Variants in TYR observed in about 807,000 individuals in gnomAD.
TYR encodes tyrosinase.
In TYR, 58 loss-of-function variants were observed where a neutral mutation model predicts 51.5. That is an observed-to-expected ratio of 1.13 (90% CI 0.91 to 1.40). The LOEUF (loss-of-function observed/expected upper bound fraction) is 1.40. TYR is among the 40% of genes most tolerant of loss of function. TYR has a pLI of 0.00. For missense variants in TYR, 732 were observed against 647.4 expected (o/e 1.13, Z -1.42); for synonymous variants, 263 against 235.2 (o/e 1.12, Z -1.08).
intron 3 of TYR, among the ~76,000 whole-genome samples, chr11:89,282,334 GGA>G (rs1944729473): frequency 4.4e-4 from 67 of 151,596 alleles, no homozygotes; most frequent in Admixed American, 4.2e-3. Context: ...GGTGGTGGAG[GGA>G]TTATCAGACA....
rs532730506 is a variant in TYR, at chr11:89,184,366, A to T, written c.819+5594A>T. 2.0e-5 allele frequency among the ~76,000 whole-genome samples: 3 copies of T among 152,292 alleles called. No individual in the cohort carries two copies. The East Asian group carries it at 5.8e-4, about 29-fold the overall frequency. Reference sequence around the variant, plus strand: ...GGAATAAAAATGATTTAGTCTACATACTTGTAGCGTCCAGTTAACCCAAAT... The same window carrying T: ...GGAATAAAAATGATTTAGTCTACATTCTTGTAGCGTCCAGTTAACCCAAAT... On this transcript the variant is annotated intron_variant, in intron 1 of 4. Coordinates refer to ENST00000263321, the MANE Select transcript of TYR (RefSeq NM_000372.5).
chr11:89,245,776 G>C (rs1286409371), intron 3 of TYR, among the ~76,000 whole-genome samples: 1 of 152,056 alleles, frequency 6.6e-6, no homozygotes, highest in Non-Finnish European at 1.5e-5. Flanking sequence ...CAAAAAATTA[G>C]CTGGGCTTGG....
chr11:89,238,109 A>T (rs928808311), intron 3 of TYR, among the ~76,000 whole-genome samples: 31 of 152,118 alleles, frequency 2.0e-4, no homozygotes, highest in African/African-American at 7.2e-4. Context: ...TGCTGGGATT[A>T]CAGTCTTGAG....
In TYR at chr11:89,191,295, G is replaced by A. The variant is rs139893504; in HGVS notation, c.913G>A (p.Asp305Asn). 1.3e-5 allele frequency: 21 copies of A among 1,613,524 alleles called. No homozygotes were observed. The highest frequency in any genetic ancestry group is 1.8e-5 in the Non-Finnish European group (21 of 1,179,784). The stretch of plus-strand genomic sequence containing the variant: ...TTTACGGCGTAATCCTGGAAACCAT[G>A]ACAAATCCAGAACCCCAAGGCTCCC... ...GPLRRNPGNH[D>N]KSRTPRLPSS... The change falls in exon 2 of 5, where the codon GAC becomes AAC. Residue 305 changes from aspartate to asparagine, a missense_variant. Coordinates refer to ENST00000263321, the MANE Select transcript of TYR (RefSeq NM_000372.5).
chr11:89,218,681 A>G (rs12805030), intron 2 of TYR, among the ~76,000 whole-genome samples: 2 of 152,174 alleles, frequency 1.3e-5, no homozygotes, highest in Non-Finnish European at 2.9e-5. Context: ...TTTTCTAAAA[A>G]CTTTTCACGT....
intron 3 of TYR, among the ~76,000 whole-genome samples, chr11:89,244,265 A>C (rs11018549): frequency 0.45 from 68,660 of 151,184 alleles, 16,755 homozygotes; most frequent in African/African-American, 0.64. Flanking sequence ...CTCATATTTT[A>C]CAGAATTATC....
At chr11:89,224,007 C>T (rs1489004591) in intron 2 of TYR, among the ~76,000 whole-genome samples, 5 of 150,724 alleles carry the variant, frequency 3.3e-5, no homozygotes, top group South Asian at 4.2e-4. Context: ...TGGCTGAAAA[C>T]GCTCTTAAAA....
chr11:89,264,771 C>G (rs113207328), intron 3 of TYR, among the ~76,000 whole-genome samples: 8 of 150,674 alleles, frequency 5.3e-5, no homozygotes, highest in Admixed American at 2.6e-4. Context: ...GAGATCATGT[C>G]CTTTGCAGGG....
chr11:89,276,238 G>C (rs1019437585), intron 3 of TYR, among the ~76,000 whole-genome samples: 1 of 151,826 alleles, frequency 6.6e-6, no homozygotes, highest in Admixed American at 6.6e-5. Flanking sequence ...TTGTGATCCT[G>C]AATTTCTGAA....
chr11:89,215,050 A>G (rs1943814053), intron 2 of TYR, among the ~76,000 whole-genome samples: 1 of 152,194 alleles, frequency 6.6e-6, no homozygotes, highest in Non-Finnish European at 1.5e-5. Context: ...GCACACAATT[A>G]CTAGATAGAC....
Position 89,284,772 on chromosome 11 carries a change from G to A in TYR, c.1185-1G>A. On this transcript the variant is annotated splice_acceptor_variant, in intron 3 of 4. Transcript: ENST00000263321. LOFTEE classifies it high-confidence loss of function. ...AGTCTGAATAACCTTTTCCTCTGCA[G>A]TATTTTTGAGCAGTGGCTCCGAAGG... 6.2e-7 allele frequency: 1 copy of A among 1,611,350 alleles called. No individual in the cohort carries two copies. The highest frequency in any genetic ancestry group is 1.1e-5 in the South Asian group (1 of 91,030).
chr11:89,203,326 C>A (rs1943624803), intron 2 of TYR, among the ~76,000 whole-genome samples: 1 of 152,160 alleles, frequency 6.6e-6, no homozygotes, highest in Non-Finnish European at 1.5e-5. Flanking sequence ...CCTTCTTCAG[C>A]CTGCTAAAGT....
At chr11:89,282,125 T>C (rs1273275033) in intron 3 of TYR, among the ~76,000 whole-genome samples, 1 of 151,982 alleles carries the variant, frequency 6.6e-6, no homozygotes, top group Non-Finnish European at 1.5e-5. Flanking sequence ...ATCCATTAAA[T>C]CTTTTGGTGC....
chr11:89,206,040 G>C (rs945455765), intron 2 of TYR, among the ~76,000 whole-genome samples: 14 of 151,910 alleles, frequency 9.2e-5, no homozygotes, highest in African/African-American at 3.4e-4. Flanking sequence ...CAAAAAACTT[G>C]ATAAATAAAA....
At chr11:89,185,675 G>A (rs1452025116) in intron 1 of TYR, among the ~76,000 whole-genome samples, 1 of 152,118 alleles carries the variant, frequency 6.6e-6, no homozygotes, top group Non-Finnish European at 1.5e-5. Context: ...CACCTGTTGT[G>A]AACAGTCAAT....
chr11:89,225,717 G>T (rs75176056), intron 2 of TYR, among the ~76,000 whole-genome samples: 2,186 of 151,744 alleles, frequency 0.014, 47 homozygotes, highest in African/African-American at 0.05. Context: ...GACACTATTT[G>T]CAATATCCTT....
chr11:89,178,261 G>C lies in TYR; in HGVS notation c.308G>C (p.Cys103Ser). Residue 103 changes from cysteine to serine, a missense_variant, in exon 1 of 5, where the codon TGC becomes TCC. Cys to Ser is a moderately radical substitution (Grantham distance 112). Transcript: ENST00000263321. ...GNFMGFNCGN[C>S]KFGFWGPNCT... ...TTCATGGGATTCAACTGTGGAAACT[G>C]CAAGTTTGGCTTTTGGGGACCAAAC... 1 of 1,614,196 alleles carries C rather than the reference G, an allele frequency of 6.2e-7. No homozygotes were observed.
intron 2 of TYR, among the ~76,000 whole-genome samples, chr11:89,206,386 A>G (rs1397071956): frequency 6.6e-6 from 1 of 152,080 alleles, no homozygotes; most frequent in Non-Finnish European, 1.5e-5. Flanking sequence ...AAAAACAATT[A>G]TTGGAGTAAG....
chr11:89,266,932 T>C (rs1490052639), intron 3 of TYR, among the ~76,000 whole-genome samples: 2 of 152,054 alleles, frequency 1.3e-5, no homozygotes, highest in Middle Eastern at 3.4e-3. Flanking sequence ...TTAGAGTTTG[T>C]GTCTGAAGGG....
Sources: allele counts gnomAD v4.1 joint callset (sites outside exome capture counted in the v4.1 genomes callset), GRCh38; gene constraint gnomAD v4.1.1; transcripts MANE v1.5; gene names NCBI Gene and HGNC (gene_info 2026-07-23, HGNC 2026-07-21).